The following PNRC1 variants were observed in gnomAD, a reference collection of about 807,000 sequenced individuals.
PNRC1 encodes the protein proline-rich nuclear receptor coactivator 1.
PNRC1 carries 6 observed loss-of-function variants against 20.2 expected under a neutral mutation model. The ratio of observed to expected loss-of-function variants is 0.30; its 90% CI spans 0.16 to 0.59. PNRC1 has a LOEUF of 0.59. Among genes scored for constraint, PNRC1 ranks in the 20% least tolerant of loss-of-function variants. The pLI, the probability that PNRC1 is intolerant of heterozygous loss-of-function variation, is 0.89. For missense variants in PNRC1, 488 were observed against 430.2 expected (o/e 1.13, Z -1.19); for synonymous variants, 202 against 186.9 (o/e 1.08, Z -0.66).
intron 1 of PNRC1, chr6:89,082,681 T>A (rs1010709150): frequency 1.8e-4 from 28 of 152,204 alleles, no homozygotes; most frequent in African/African-American, 6.5e-4. Flanking sequence ...TACCTTACGC[T>A]TTTCCATCCT....
chr6:89,084,247 A>C lies in PNRC1; in HGVS notation c.*51A>C. 1 of 1,287,542 alleles carries C rather than the reference A, an allele frequency of 7.8e-7. No homozygotes were observed. Among genetic ancestry groups the C allele is most frequent in the Non-Finnish European group, 1.1e-6 (1 of 936,492 alleles). 79.8% of individuals were successfully genotyped at this position (1,287,542 alleles called of 1,614,324 possible). A position where few individuals can be genotyped will look rare whatever the true frequency, so the allele number is the denominator to read the frequency against. On this transcript the variant is annotated 3_prime_UTR_variant, in exon 2 of 2. Coordinates refer to ENST00000336032, the MANE Select transcript of PNRC1 (RefSeq NM_006813.3). ...AACATAATTTTTCCCATATCCCTGG[A>C]CTCTTGAGAAAATTGGTACAGAAAT...
intron 1 of PNRC1, chr6:89,081,783 A>G (rs866011411): frequency 6.1e-5 from 10 of 164,050 alleles, no homozygotes; most frequent in Middle Eastern, 2.7e-3. Flanking sequence ...GGCCCGCGGG[A>G]GGGCTGACGT....
chr6:89,081,322 C>T lies in PNRC1; in HGVS notation c.428C>T (p.Pro143Leu), dbSNP rs917888226. 50 of 1,464,080 alleles carry T rather than the reference C, an allele frequency of 3.4e-5. No individual in the cohort carries two copies. In the African/African-American group the frequency reaches 6.1e-4, roughly 18 times the overall value. 90.7% of individuals were successfully genotyped at this position (1,464,080 alleles called of 1,614,324 possible). Residue 143 changes from proline (P) to leucine (L), a missense_variant, in exon 1 of 2, where the codon CCG becomes CTG. Coordinates refer to ENST00000336032, the MANE Select transcript of PNRC1 (RefSeq NM_006813.3). The part of the protein sequence containing the change: ...GPSGAQEVPG[P>L]AAALAPSPAA... ...AGCGGAGCGCAGGAGGTCCCGGGCC[C>T]GGCCGCCGCCTTGGCCCCGAGTCCT...
intron 1 of PNRC1, chr6:89,082,607 CT>C (rs1768027161): frequency 6.6e-6 from 1 of 152,208 alleles, no homozygotes; most frequent in Non-Finnish European, 1.5e-5. Flanking sequence ...TTGTGGTCCT[CT>C]TTCGTGTCGT....
chr6:89,080,808 A>C lies in PNRC1; in HGVS notation c.-87A>C, dbSNP rs1241783964. 2 of 1,298,928 alleles carry C rather than the reference A, an allele frequency of 1.5e-6. No homozygotes were observed. The highest frequency in any genetic ancestry group is 2.2e-6 in the Non-Finnish European group (2 of 914,172). The allele number at this position is 1,298,928 out of a possible 1,614,324, so 80.5% of individuals were successfully genotyped here. On this transcript the variant is annotated 5_prime_UTR_variant, in exon 1 of 2. Coordinates refer to ENST00000336032, the MANE Select transcript of PNRC1 (RefSeq NM_006813.3). ...CGCGATCTTCTCAGGCTCTCCTAGC[A>C]GCATCCATCGCCGCCACCCTATCTT...
rs370418048 is a variant in PNRC1, at chr6:89,081,207, A to G, written c.313A>G (p.Ser105Gly). 82 of 1,562,550 alleles carry G rather than the reference A, an allele frequency of 5.2e-5. 5 individuals carry two copies. Among genetic ancestry groups the G allele is most frequent in the East Asian group, 3.1e-4 (13 of 42,228 alleles). ...KKRRKKKVRA[S>G]PAGQLPSRFH... is the part of the protein sequence containing the mutation. ...GCGGCGAAAGAAGAAGGTGCGGGCC[A>G]GCCCCGCAGGGCAGCTGCCCAGCCG... The change falls in exon 1 of 2, where the codon AGC becomes GGC. Residue 105 changes from serine to glycine, a missense_variant. Transcript: ENST00000336032.
rs1481705795 is a variant in PNRC1, at chr6:89,081,424, T to A, written c.530T>A (p.Leu177His). The A allele has an allele frequency of 3.8e-6, 5 of 1,330,118 alleles. No homozygotes were observed. The highest frequency in any genetic ancestry group is 4.8e-6 in the Non-Finnish European group (5 of 1,048,326). The allele number at this position is 1,330,118 out of a possible 1,614,324, so 82.4% of individuals were successfully genotyped here. A position where few individuals can be genotyped will look rare whatever the true frequency, so the allele number is the denominator to read the frequency against. ...LRPAAPGQTP[L>H]RKEVLKSKMG... ...CCCGCGGCTCCCGGCCAAACCCCCC[T>A]CAGGAAAGAGGTGAGGCCGCCAGGG... Residue 177 changes from leucine to histidine, a missense_variant, in exon 1 of 2, where the codon CTC becomes CAC. Leu to His is a moderately conservative substitution (Grantham distance 99). Transcript: ENST00000336032.
chr6:89,083,976 A>T lies in PNRC1; in HGVS notation c.764A>T (p.Asn255Ile), dbSNP rs1215720564. 16 of 1,613,872 alleles carry T rather than the reference A, an allele frequency of 9.9e-6. No homozygotes were observed. The highest frequency in any genetic ancestry group is 1.1e-5 in the Non-Finnish European group (13 of 1,180,002). ...AAGCAGGAAAAAAAGCCTTTTAAAA[A>T]TACCGAGAACATTAAAAATTCGCAT... ...IQKQEKKPFKNTENIKNSHLK... is the reference protein window; with the variant it reads ...IQKQEKKPFKITENIKNSHLK... Residue 255 changes from asparagine to isoleucine, a missense_variant, in exon 2 of 2, where the codon AAT (asparagine) becomes ATT (isoleucine). Asn to Ile is a moderately radical substitution (Grantham distance 149). Transcript: ENST00000336032.
At chr6:89,081,700 C>G (rs1033739241) in intron 1 of PNRC1, 1 of 278,440 alleles carries the variant, frequency 3.6e-6, no homozygotes, top group Non-Finnish European at 6.6e-6. Flanking sequence ...GCAACAGCCC[C>G]GATTTAGAAG....
rs1057218362 is a variant in PNRC1, at chr6:89,084,397, A to C, written c.*201A>C. 8.4e-6 allele frequency: 4 copies of C among 476,028 alleles called. No individual in the cohort carries two copies. Among genetic ancestry groups the C allele is most frequent in the African/African-American group, 6.0e-5 (3 of 50,184 alleles). The allele number at this position is 476,028 out of a possible 1,614,324, so 29.5% of individuals were successfully genotyped here. The stretch of plus-strand genomic sequence containing the variant: ...ACCATGTATTATGTGTATATTGTTC[A>C]TACTTGAGAGGTATATTATAGTTTT... On this transcript the variant is annotated 3_prime_UTR_variant, in exon 2 of 2. Transcript: ENST00000336032.
rs113153191 is a variant in PNRC1, at chr6:89,084,031, G to A, written c.819G>A (p.Val273=). 1.1e-4 allele frequency: 175 copies of A among 1,613,972 alleles called. No individual in the cohort carries two copies. Among genetic ancestry groups the A allele is most frequent in the Admixed American group, 1.7e-4 (10 of 60,002 alleles). Residue 273 remains valine (V), a synonymous_variant, in exon 2 of 2, where the codon GTG becomes GTA. Coordinates refer to ENST00000336032, the MANE Select transcript of PNRC1 (RefSeq NM_006813.3). ...AGAAATCAGCATTTCTAACTGAAGTGAGCCAAAAGGAAAATTATGCTGGGG... is the reference window on the plus strand; with the variant it reads ...AGAAATCAGCATTTCTAACTGAAGTAAGCCAAAAGGAAAATTATGCTGGGG... ...HLKKSAFLTE[V]SQKENYAGAK... is the part of the protein sequence containing the mutation.
Position 89,081,311 on chromosome 6 carries a change from G to C in PNRC1, c.417G>C (p.Glu139Asp). The C allele has an allele frequency of 1.3e-6, 2 of 1,481,596 alleles. No individual in the cohort carries two copies. The highest frequency in any genetic ancestry group is 1.8e-6 in the Non-Finnish European group (2 of 1,127,162). The allele number at this position is 1,481,596 out of a possible 1,614,324, so 91.8% of individuals were successfully genotyped here. The change falls in exon 1 of 2, where the codon GAG becomes GAC. Residue 139 changes from glutamate (E) to aspartate (D), a missense_variant. Coordinates refer to ENST00000336032, the MANE Select transcript of PNRC1 (RefSeq NM_006813.3). The part of the protein sequence containing the change: ...SPATGPSGAQ[E>D]VPGPAAALAP... ...CGACCGGCCCGAGCGGAGCGCAGGA[G>C]GTCCCGGGCCCGGCCGCCGCCTTGG...
In PNRC1 at chr6:89,081,024, C is replaced by T. The variant is rs760718382; in HGVS notation, c.130C>T (p.Arg44Trp). Residue 44 changes from arginine to tryptophan, a missense_variant, in exon 1 of 2, where the codon CGG becomes TGG. By Grantham distance (101) the Arg-to-Trp change is moderately radical. Transcript: ENST00000336032. ...GACCACGGCTCCGCCTCCTTTACCC[C>T]GGATCCCGGACCCCCGGGCACTGCC... is the stretch of plus-strand genomic sequence containing the variant. ...MVTTAPPPLP[R>W]IPDPRALPPT... is the part of the protein sequence containing the mutation. 10 of 1,611,798 alleles carry T rather than the reference C, an allele frequency of 6.2e-6. No individual in the cohort carries two copies. The East Asian group carries it at 1.3e-4, about 22-fold the overall frequency.
chr6:89,083,438 ATC>A (rs1415938535), intron 1 of PNRC1, among the ~76,000 whole-genome samples: 2 of 152,130 alleles, frequency 1.3e-5, no homozygotes, highest in Non-Finnish European at 2.9e-5. Flanking sequence ...GTAGGTCCCC[ATC>A]TCTCTCTCAA....
rs1385494375 is a variant in PNRC1 at position 89,080,918 on chromosome 6, G to C, written c.24G>C (p.Gln8His). ...CTATGACTGTCGTCTCCGTCCCGCA[G>C]CGGGAGCCGCTCGTCCTGGGTGGCC... MTVVSVP[Q>H]REPLVLGGRL... is the part of the protein sequence containing the mutation. Residue 8 changes from glutamine (Q) to histidine (H), a missense_variant, in exon 1 of 2, where the codon CAG becomes CAC. Physicochemically the swap from Gln to His is conservative, Grantham distance 24. Coordinates refer to ENST00000336032, the MANE Select transcript of PNRC1 (RefSeq NM_006813.3). The C allele has an allele frequency of 5.6e-6, 9 of 1,612,244 alleles. No individual in the cohort carries two copies. Among genetic ancestry groups the C allele is most frequent in the Non-Finnish European group, 7.6e-6 (9 of 1,180,012 alleles).
In PNRC1 at chr6:89,083,834, C is replaced by A; in HGVS notation, c.622C>A (p.Gln208Lys). 14 of 1,613,848 alleles carry A rather than the reference C, an allele frequency of 8.7e-6. No homozygotes were observed. Among genetic ancestry groups the A allele is most frequent in the Non-Finnish European group, 1.2e-5 (14 of 1,179,916 alleles). ...TGTTCATGGTATACACTTGTATGAG[C>A]AACCAAAGATAAACAGACAGAAAAG... is the stretch of plus-strand genomic sequence containing the variant. ...QLVHGIHLYE[Q>K]PKINRQKSKY... is the part of the protein sequence containing the mutation. The change falls in exon 2 of 2, where the codon CAA (glutamine) becomes AAA (lysine). Residue 208 changes from glutamine (Q) to lysine (K), a missense_variant. Coordinates refer to ENST00000336032, the MANE Select transcript of PNRC1 (RefSeq NM_006813.3).
In PNRC1 at chr6:89,081,088, G is replaced by A; in HGVS notation, c.194G>A (p.Gly65Asp). Residue 65 changes from glycine to aspartate, a missense_variant, in exon 1 of 2, where the codon GGC (glycine) becomes GAC (aspartate). Coordinates refer to ENST00000336032, the MANE Select transcript of PNRC1 (RefSeq NM_006813.3). ...LFLPHFLGGD[G>D]PCLTPQPRAP... The stretch of plus-strand genomic sequence containing the variant: ...CTCCCTCATTTCCTAGGGGGAGATG[G>A]CCCGTGTCTGACCCCCCAGCCTCGC... 2.5e-6 allele frequency: 4 copies of A among 1,609,638 alleles called. No individual in the cohort carries two copies. The highest frequency in any genetic ancestry group is 2.2e-5 in the East Asian group (1 of 44,856).
At position 89,083,869 on chromosome 6, in the gene PNRC1, C is replaced by G. The variant is rs1277041175; in HGVS notation, c.657C>G (p.Asn219Lys). ...TAAACAGACAGAAAAGCAAATATAA[C>G]TTGCCACTAACCAAGATCACCTCTG... Reference protein sequence around the residue: ...PKINRQKSKYNLPLTKITSAK... With the variant: ...PKINRQKSKYKLPLTKITSAK... Residue 219 changes from asparagine to lysine, a missense_variant, in exon 2 of 2, where the codon AAC becomes AAG. Transcript: ENST00000336032. The G allele has an allele frequency of 7.4e-6, 12 of 1,613,996 alleles. No individual in the cohort carries two copies. The highest frequency in any genetic ancestry group is 9.3e-6 in the Non-Finnish European group (11 of 1,180,006).
In PNRC1 at chr6:89,080,758, C is replaced by T. The variant is rs1767958446; in HGVS notation, c.-137C>T. ...CTGGGGCTGTGGCTATTTGTTGCTG[C>T]GCCGCCACCGCCCGAGTCATGTTCC... On this transcript the variant is annotated 5_prime_UTR_variant, in exon 1 of 2. Coordinates refer to ENST00000336032, the MANE Select transcript of PNRC1 (RefSeq NM_006813.3). The T allele has an allele frequency of 1.2e-6, 1 of 808,500 alleles. No individual in the cohort carries two copies. The highest frequency in any genetic ancestry group is 2.0e-6 in the Non-Finnish European group (1 of 499,490). 50.1% of individuals were successfully genotyped at this position (808,500 alleles called of 1,614,324 possible).
Sources: gnomAD v4.1 joint callset for allele counts (sites outside exome capture counted in the v4.1 genomes callset) on GRCh38, gnomAD v4.1.1 for gene constraint, MANE v1.5 for transcripts, NCBI Gene and HGNC (gene_info 2026-07-23, HGNC 2026-07-21) for gene names.